The following CWF19L2 variants were observed in gnomAD, a reference collection of about 807,000 sequenced individuals.
CWF19L2 encodes the protein CWF19 like cell cycle control factor 2.
A neutral mutation model predicts 111.7 loss-of-function variants in CWF19L2; 98 were observed. The ratio of observed to expected loss-of-function variants is 0.88; its 90% CI spans 0.75 to 1.04. CWF19L2 has a LOEUF of 1.04. CWF19L2 is among the 50% of genes least tolerant of loss of function. The probability of loss-of-function intolerance (pLI) is 0.00; values close to 1 mark genes in which losing one functional copy is unlikely to be tolerated. For missense variants in CWF19L2, 1,101 were observed against 1,051.4 expected, an observed-to-expected ratio of 1.05 and a Z score of -0.65; for synonymous variants, 351 against 342.9, an observed-to-expected ratio of 1.02 and a Z score of -0.26.
rs138591433 is a variant in CWF19L2 at position 107,372,672 on chromosome 11, A to C, written c.1872+17402T>G. 2.0e-3 allele frequency among the ~76,000 whole-genome samples: 276 copies of C among 136,570 alleles called. 62 individuals carry two copies. Among genetic ancestry groups the C allele is most frequent in the African/African-American group, 7.5e-3 (256 of 33,950 alleles). The allele number at this position is 136,570 out of a possible 152,430, so 89.6% of individuals were successfully genotyped here. ...TTCTGGTTTCAGTGAGATAAGAGTT[A>C]AGAAAGAAGTGAAAGAGGATAAGAA... On this transcript the variant is annotated intron_variant, in intron 12 of 17. Transcript: ENST00000282251.
chr11:107,451,559 GAAAC>G (rs963975655), intron 3 of CWF19L2, among the ~76,000 whole-genome samples: 2 of 152,054 alleles, frequency 1.3e-5, no homozygotes, highest in African/African-American at 4.8e-5. Context: ...ACTGACAGAG[GAAAC>G]AAACAGAAAA....
At chr11:107,398,379 G>C (rs188036625) in intron 10 of CWF19L2, among the ~76,000 whole-genome samples, 3 of 152,266 alleles carry the variant, frequency 2.0e-5, no homozygotes, top group African/African-American at 7.2e-5. Context: ...TTTTAGAAAT[G>C]CAAAATGCTG....
chr11:107,429,345 G>A lies in CWF19L2; in HGVS notation c.887C>T (p.Ala296Val). The change falls in exon 8 of 18, where the codon GCA (alanine) becomes GTA (valine). Residue 296 changes from alanine (A) to valine (V), a missense_variant. Coordinates refer to ENST00000282251, the MANE Select transcript of CWF19L2 (RefSeq NM_152434.3). ...TTCTCTACTTTCTTGACAATTTTGTGCTTTATCTGAATATGTGGGTTTCCT... is the reference window on the plus strand; with the variant it reads ...TTCTCTACTTTCTTGACAATTTTGTACTTTATCTGAATATGTGGGTTTCCT... ...RWRKPTYSDK[A>V]QNCQESRESD... 1.2e-6 allele frequency: 2 copies of A among 1,604,536 alleles called. No homozygotes were observed. The highest frequency in any genetic ancestry group is 1.7e-6 in the Non-Finnish European group (2 of 1,174,420).
chr11:107,337,527 T>C (rs1316215703), intron 14 of CWF19L2, among the ~76,000 whole-genome samples: 2 of 152,072 alleles, frequency 1.3e-5, no homozygotes, highest in African/African-American at 4.8e-5. Context: ...AGGATGGAGC[T>C]AGGGATCGAA....
chr11:107,447,252 G>A (rs1861714202), intron 3 of CWF19L2, among the ~76,000 whole-genome samples: 1 of 152,160 alleles, frequency 6.6e-6, no homozygotes, highest in East Asian at 1.9e-4. Context: ...AAAGGAAACG[G>A]AATTTGAACT....
At chr11:107,423,238 T>C (rs936071090) in intron 8 of CWF19L2, among the ~76,000 whole-genome samples, 2 of 152,044 alleles carry the variant, frequency 1.3e-5, no homozygotes, top group African/African-American at 4.8e-5. Flanking sequence ...AAACTAATCA[T>C]ATCTCTCTTT....
At chr11:107,352,290 AAGAGCAT>A (rs2134545193) in intron 13 of CWF19L2, among the ~76,000 whole-genome samples, 1 of 7,242 alleles carries the variant, frequency 1.4e-4, no homozygotes, top group Non-Finnish European at 2.7e-4. Flanking sequence ...CACGAAATGC[AAGAGCAT>A]TTATATCACT....
intron 10 of CWF19L2, chr11:107,403,981 G>C: frequency 1.2e-6 from 1 of 858,896 alleles, no homozygotes; most frequent in South Asian, 1.3e-5. Flanking sequence ...CTGACCGAAC[G>C]TCTGGCACCA....
intron 12 of CWF19L2, among the ~76,000 whole-genome samples, chr11:107,359,906 T>C (rs1829452854): frequency 1.3e-5 from 2 of 152,218 alleles, no homozygotes; most frequent in African/African-American, 2.4e-5. Context: ...CCACTGATCC[T>C]ATCAAGGGCA....
chr11:107,442,795 GGA>G (rs1207539241), intron 4 of CWF19L2, 142 bp downstream of exon 4: 1 of 201,730 alleles, frequency 5.0e-6, no homozygotes, highest in Admixed American at 8.0e-5. Flanking sequence ...AGGAAGGAAG[GGA>G]GGGAGGGAGG....
At chr11:107,412,909 T>C (rs563766400) in intron 10 of CWF19L2, among the ~76,000 whole-genome samples, 15 of 152,298 alleles carry the variant, frequency 9.8e-5, no homozygotes, top group Admixed American at 3.3e-4. Context: ...TTCAATTACA[T>C]GACATTCTGG....
At chr11:107,400,834 G>A (rs971355601) in intron 10 of CWF19L2, among the ~76,000 whole-genome samples, 17 of 152,030 alleles carry the variant, frequency 1.1e-4, no homozygotes, top group Admixed American at 2.0e-4. Context: ...CTAGCTAACC[G>A]AATCCAATGA....
chr11:107,361,798 A>G (rs1010538849), intron 12 of CWF19L2, among the ~76,000 whole-genome samples: 37 of 152,170 alleles, frequency 2.4e-4, no homozygotes, highest in African/African-American at 8.9e-4. Context: ...TAGAAATGCT[A>G]CTGGAAGATG....
chr11:107,346,462 A>G (rs2134538794), intron 14 of CWF19L2, among the ~76,000 whole-genome samples: 1 of 152,330 alleles, frequency 6.6e-6, no homozygotes, highest in African/African-American at 2.4e-5. Flanking sequence ...GTTGGTTCAT[A>G]CCTTGGGGAG....
intron 12 of CWF19L2, among the ~76,000 whole-genome samples, chr11:107,387,104 T>C (rs1314788550): frequency 2.0e-5 from 3 of 151,436 alleles, no homozygotes; most frequent in Non-Finnish European, 2.9e-5. Flanking sequence ...AACCAGCATC[T>C]ACCCAGAACT....
intron 12 of CWF19L2, among the ~76,000 whole-genome samples, chr11:107,364,453 C>G (rs1860406998): frequency 6.7e-6 from 1 of 148,480 alleles, no homozygotes; most frequent in Non-Finnish European, 1.5e-5. Flanking sequence ...TGTAAAAGAA[C>G]AGAAATTATA....
chr11:107,327,082 C>A, intron 17 of CWF19L2, 29 bp from the exon 18 acceptor site: 1 of 1,556,400 alleles, frequency 6.4e-7, no homozygotes. Flanking sequence ...AGCACAAACA[C>A]AAGCATGTAT....
In CWF19L2 at chr11:107,380,046, CAAAA is replaced by C. The variant is rs66699460; in HGVS notation, c.1872+10024_1872+10027del. Among the ~76,000 whole-genome samples the C allele has an allele frequency of 6.1e-4, 21 of 34,488 alleles. 1 individual carries two copies. Among genetic ancestry groups the C allele is most frequent in the African/African-American group, 1.6e-3 (15 of 9,444 alleles). The allele number at this position is 34,488 out of a possible 152,430, so 22.6% of individuals were successfully genotyped here. A position where few individuals can be genotyped will look rare whatever the true frequency, so the allele number is the denominator to read the frequency against. ...TGGGCGACAGAGCGAGACACCGTCT[CAAAA>C]AAAAAAAAAAAAAAAAAAAAAATCA... On this transcript the variant is annotated intron_variant, in intron 12 of 17. Transcript: ENST00000282251.
chr11:107,392,515 T>A (rs779144375), intron 11 of CWF19L2, among the ~76,000 whole-genome samples: 1 of 152,064 alleles, frequency 6.6e-6, no homozygotes, highest in Non-Finnish European at 1.5e-5. Context: ...GAAAACAACA[T>A]CAAAGAAATG....
Sources: gnomAD v4.1 joint callset for allele counts (sites outside exome capture counted in the v4.1 genomes callset) on GRCh38, gnomAD v4.1.1 for gene constraint, MANE v1.5 for transcripts, NCBI Gene and HGNC (gene_info 2026-07-23, HGNC 2026-07-21) for gene names.